Variants in PCARE observed in about 807,000 individuals in gnomAD.
PCARE encodes uncharacterized protein C2orf71.
In PCARE, 72 loss-of-function variants were observed where a neutral mutation model predicts 82.2. That is an observed-to-expected ratio of 0.88 (90% CI 0.72 to 1.07). PCARE has a LOEUF of 1.07. Among genes scored for constraint, PCARE ranks in the 50% least tolerant of loss-of-function variants. The pLI, the probability that PCARE is intolerant of heterozygous loss-of-function variation, is 0.00. For synonymous variants in PCARE, 705 were observed against 634.8 expected (o/e 1.11, Z -1.66); for missense variants, 1,768 against 1,592.4 (o/e 1.11, Z -1.88).
chr2:29,066,095 C>G (rs1463654493), intron 1 of PCARE, among the ~76,000 whole-genome samples: 1 of 152,060 alleles, frequency 6.6e-6, no homozygotes, highest in Non-Finnish European at 1.5e-5. Flanking sequence ...TTGCAGTGAG[C>G]CGAGATTGCG....
chr2:29,064,974 TG>T lies in PCARE; in HGVS notation c.3761del (p.Pro1254GlnfsTer60). On this transcript the variant is annotated frameshift_variant, in exon 2 of 2. Transcript: ENST00000331664. LOFTEE classifies it low-confidence loss of function (END_TRUNC). ...GCCCGTGGCCCAGCACACAGAACTC[TG>T]GGGGAGATGCACGCCTGGTGCCGCC... ...LQGGTRRASP[P>X]EFCVLGHGLQ... 1 of 1,595,250 alleles carries T rather than the reference TG, an allele frequency of 6.3e-7. No homozygotes were observed. The highest frequency in any genetic ancestry group is 8.5e-7 in the Non-Finnish European group (1 of 1,170,906).
Position 29,064,594 on chromosome 2 carries a change from A to C in PCARE, c.*275T>G, listed in dbSNP as rs1306157894. ...CATTCTCCACCCCCCACCCCACCCC[A>C]AATTAAGGCCAGCACTTGAAGCATT... On this transcript the variant is annotated 3_prime_UTR_variant, in exon 2 of 2. Coordinates refer to ENST00000331664, the MANE Select transcript of PCARE (RefSeq NM_001029883.3). 15 of 548,004 alleles carry C rather than the reference A, an allele frequency of 2.7e-5. No homozygotes were observed. The highest frequency in any genetic ancestry group is 9.4e-5 in the East Asian group (3 of 32,008). 33.9% of individuals were successfully genotyped at this position (548,004 alleles called of 1,614,324 possible).
At position 29,071,440 on chromosome 2, in the gene PCARE, C is replaced by G. The variant is rs1667480949; in HGVS notation, c.2822G>C (p.Trp941Ser). The change falls in exon 1 of 2, where the codon TGG becomes TCG. Residue 941 changes from tryptophan (W) to serine (S), a missense_variant. Trp to Ser is a radical substitution (Grantham distance 177, BLOSUM62 -3). Transcript: ENST00000331664. ...SQSPEVKGGT[W>S]SQAEKATSLY... The stretch of plus-strand genomic sequence containing the variant: ...GCTGGTGGCCTTCTCTGCCTGACTC[C>G]AAGTCCCACCCTTCACCTCGGGGCT... 1 of 1,613,124 alleles carries G rather than the reference C, an allele frequency of 6.2e-7. No homozygotes were observed. Among genetic ancestry groups the G allele is most frequent in the South Asian group, 1.1e-5 (1 of 91,088 alleles).
At position 29,073,353 on chromosome 2, in the gene PCARE, A is replaced by T. The variant is rs1260424225; in HGVS notation, c.909T>A (p.Thr303=). Residue 303 remains threonine, a synonymous_variant, in exon 1 of 2, where the codon ACT becomes ACA. Coordinates refer to ENST00000331664, the MANE Select transcript of PCARE (RefSeq NM_001029883.3). ...LEGSSSYLHS[T]ATHLENKLST... ...TCAGCTTATTTTCCAAGTGGGTTGCAGTGGAGTGGAGGTAGCTGCTGGAGC... is the reference window on the plus strand; with the variant it reads ...TCAGCTTATTTTCCAAGTGGGTTGCTGTGGAGTGGAGGTAGCTGCTGGAGC... 1.2e-6 allele frequency: 2 copies of T among 1,613,942 alleles called. No individual in the cohort carries two copies. Among genetic ancestry groups the T allele is most frequent in the Non-Finnish European group, 1.7e-6 (2 of 1,180,026 alleles).
Position 29,073,350 on chromosome 2 carries a change from T to G in PCARE, c.912A>C (p.Ala304=), listed in dbSNP as rs1478733429. The G allele has an allele frequency of 6.2e-7, 1 of 1,613,906 alleles. No homozygotes were observed. The highest frequency in any genetic ancestry group is 8.5e-7 in the Non-Finnish European group (1 of 1,180,050). ...EGSSSYLHST[A]THLENKLSTK... is the part of the protein sequence containing the mutation. ...TGCTCAGCTTATTTTCCAAGTGGGT[T>G]GCAGTGGAGTGGAGGTAGCTGCTGG... The change falls in exon 1 of 2, where the codon GCA becomes GCC. Residue 304 remains alanine (A), a synonymous_variant. Transcript: ENST00000331664.
chr2:29,071,727 A>G lies in PCARE; in HGVS notation c.2535T>C (p.Ser845=), dbSNP rs746150043. The G allele has an allele frequency of 2.5e-6, 4 of 1,613,954 alleles. No homozygotes were observed. In the East Asian group the frequency reaches 8.9e-5, roughly 36 times the overall value. ...ACTTGCTGCTTTCTGGGGACTCCAGAGAAGCGAATGATTTGTCCATCAGAA... is the reference window on the plus strand; with the variant it reads ...ACTTGCTGCTTTCTGGGGACTCCAGGGAAGCGAATGATTTGTCCATCAGAA... ...MEVLMDKSFA[S]LESPESSKST... The change falls in exon 1 of 2, where the codon TCT becomes TCC. Residue 845 remains serine (S), a synonymous_variant. Coordinates refer to ENST00000331664, the MANE Select transcript of PCARE (RefSeq NM_001029883.3).
chr2:29,071,878 C>T lies in PCARE; in HGVS notation c.2384G>A (p.Gly795Asp). Residue 795 changes from glycine to aspartate, a missense_variant, in exon 1 of 2, where the codon GGC (glycine) becomes GAC (aspartate). Gly to Asp is a moderately conservative substitution (Grantham distance 94). Coordinates refer to ENST00000331664, the MANE Select transcript of PCARE (RefSeq NM_001029883.3). The stretch of plus-strand genomic sequence containing the variant: ...AGGTGCTAAGGGCTTCCAGCCTATG[C>T]CCATTTTGAGAGATTCTCTGCCTGA... ...PASGRESLKM[G>D]IGWKPLAPIF... The T allele has an allele frequency of 6.2e-7, 1 of 1,614,220 alleles. No individual in the cohort carries two copies. The highest frequency in any genetic ancestry group is 8.5e-7 in the Non-Finnish European group (1 of 1,180,044).
At position 29,072,116 on chromosome 2, in the gene PCARE, T is replaced by G; in HGVS notation, c.2146A>C (p.Lys716Gln). 1 of 1,614,250 alleles carries G rather than the reference T, an allele frequency of 6.2e-7. No homozygotes were observed. ...IPSGEVSEAAKATDWNVRGCP... is the reference protein window; with the variant it reads ...IPSGEVSEAAQATDWNVRGCP... ...CCTCTGACATTCCAGTCTGTGGCCT[T>G]GGCAGCCTCACTGACCTCTCCTGAT... Residue 716 changes from lysine to glutamine, a missense_variant, in exon 1 of 2, where the codon AAG becomes CAG. Coordinates refer to ENST00000331664, the MANE Select transcript of PCARE (RefSeq NM_001029883.3).
chr2:29,067,751 G>A (rs906376476), intron 1 of PCARE, among the ~76,000 whole-genome samples: 2 of 152,126 alleles, frequency 1.3e-5, no homozygotes, highest in African/African-American at 2.4e-5. Context: ...TACCATGGTG[G>A]CCAGGCTGGT....
In PCARE at chr2:29,072,447, C is replaced by T. The variant is rs1421384044; in HGVS notation, c.1815G>A (p.Glu605=). Residue 605 remains glutamate (E), a synonymous_variant, in exon 1 of 2, where the codon GAG becomes GAA. Coordinates refer to ENST00000331664, the MANE Select transcript of PCARE (RefSeq NM_001029883.3). ...QSESCLQSHV[E]DPTFQELRRV... is the part of the protein sequence containing the mutation. ...TTCGCAGCTCCTGAAAGGTGGGGTC[C>T]TCCACGTGACTCTGGAGACACGACT... The T allele has an allele frequency of 1.2e-6, 2 of 1,614,192 alleles. No individual in the cohort carries two copies. Among genetic ancestry groups the T allele is most frequent in the Admixed American group, 3.3e-5 (2 of 60,024 alleles).
Position 29,073,916 on chromosome 2 carries a change from A to G in PCARE, c.346T>C (p.Phe116Leu). 1 of 1,614,204 alleles carries G rather than the reference A, an allele frequency of 6.2e-7. No individual in the cohort carries two copies. ...GATCCATGGGAACCCTGTGTCTTGA[A>G]CGGAATATCCTTAGCCATGTGGCTT... ...SQSHMAKDIPFKTQGSHGSQG... is the reference protein window; with the variant it reads ...SQSHMAKDIPLKTQGSHGSQG... The change falls in exon 1 of 2, where the codon TTC (phenylalanine) becomes CTC (leucine). Residue 116 changes from phenylalanine (F) to leucine (L), a missense_variant. By Grantham distance (22) the Phe-to-Leu change is conservative (BLOSUM62 0). Coordinates refer to ENST00000331664, the MANE Select transcript of PCARE (RefSeq NM_001029883.3).
chr2:29,072,789 CTCCTCT>C lies in PCARE; in HGVS notation c.1467_1472del (p.Glu493_Glu494del). On this transcript the variant is annotated inframe_deletion, in exon 1 of 2. Transcript: ENST00000331664. ...TGCTGCTCATTTTGTCTTCCTCCTC[CTCCTCT>C]GGGCTGCTGTCCTCGCTGTCACTAA... 6.2e-7 allele frequency: 1 copy of C among 1,614,194 alleles called. No homozygotes were observed. The highest frequency in any genetic ancestry group is 1.3e-5 in the African/African-American group (1 of 75,050).
In PCARE at chr2:29,069,752, C is replaced by T. The variant is rs1055854506; in HGVS notation, c.3668+842G>A. Among the ~76,000 whole-genome samples the T allele has an allele frequency of 5.3e-5, 8 of 152,060 alleles. No individual in the cohort carries two copies. In the East Asian group the frequency reaches 5.8e-4, roughly 11 times the overall value. On this transcript the variant is annotated intron_variant, in intron 1 of 1. Transcript: ENST00000331664. ...TATAAGAGTATATTATTTGTGTTAACGTATTTTTTAAAAAAATAATAAATA... is the reference window on the plus strand; with the variant it reads ...TATAAGAGTATATTATTTGTGTTAATGTATTTTTTAAAAAAATAATAAATA...
Position 29,074,162 on chromosome 2 carries a change from C to T in PCARE, c.100G>A (p.Gly34Ser). 1 of 1,610,836 alleles carries T rather than the reference C, an allele frequency of 6.2e-7. No homozygotes were observed. The highest frequency in any genetic ancestry group is 8.5e-7 in the Non-Finnish European group (1 of 1,177,794). The change falls in exon 1 of 2, where the codon GGC (glycine) becomes AGC (serine). Residue 34 changes from glycine (G) to serine (S), a missense_variant. Gly to Ser is a moderately conservative substitution (Grantham distance 56). Coordinates refer to ENST00000331664, the MANE Select transcript of PCARE (RefSeq NM_001029883.3). The stretch of plus-strand genomic sequence containing the variant: ...GGGATGGAACCTCTTTCACTTCCGC[C>T]CTGACATCCTGGCCGAATTGCTTTG... ...KPKAIRPGCQ[G>S]GSERGSIPLL...
rs552032283 is a variant in PCARE at position 29,071,282 on chromosome 2, C to T, written c.2980G>A (p.Ala994Thr). 1.2e-6 allele frequency: 2 copies of T among 1,613,404 alleles called. No homozygotes were observed. Among genetic ancestry groups the T allele is most frequent in the East Asian group, 2.2e-5 (1 of 44,870 alleles). ...ACCCAGTGTGTCCTCGTGGGAGAGG[C>T]CTTTCTGCCCACAGGGGGGCTTCTC... The part of the protein sequence containing the change: ...RERSPPVGRK[A>T]SPTRTHWVPQ... The change falls in exon 1 of 2, where the codon GCC becomes ACC. Residue 994 changes from alanine (A) to threonine (T), a missense_variant. Coordinates refer to ENST00000331664, the MANE Select transcript of PCARE (RefSeq NM_001029883.3).
intron 1 of PCARE, 51 bp from the exon 2 acceptor site, chr2:29,065,118 C>T: frequency 6.6e-7 from 1 of 1,525,796 alleles, no homozygotes; most frequent in Non-Finnish European, 8.8e-7. Context: ...TCTGCTGCTC[C>T]TTCCTGCCCC....
At chr2:29,065,090 C>T in intron 1 of PCARE, 23 bp from the exon 2 acceptor site, 1 of 1,547,356 alleles carries the variant, frequency 6.5e-7, no homozygotes. Context: ...AGGACAAGTG[C>T]AGGTCAGACA....
intron 1 of PCARE, among the ~76,000 whole-genome samples, chr2:29,068,313 T>C (rs937839006): frequency 5.3e-5 from 8 of 152,238 alleles, no homozygotes; most frequent in African/African-American, 1.9e-4. Context: ...TTTCCCAAGA[T>C]AATATCTTTA....
chr2:29,073,241 G>C lies in PCARE; in HGVS notation c.1021C>G (p.Gln341Glu), dbSNP rs1667525301. ...LASGCGDPGV[Q>E]GLPLCSEDSG... is the part of the protein sequence containing the mutation. ...TCCTCAGAGCATAAGGGGAGACCCT[G>C]CACCCCAGGGTCGCCACAGCCACTC... Residue 341 changes from glutamine (Q) to glutamate (E), a missense_variant, in exon 1 of 2, where the codon CAG (glutamine) becomes GAG (glutamate). By Grantham distance (29) the Gln-to-Glu change is conservative. Coordinates refer to ENST00000331664, the MANE Select transcript of PCARE (RefSeq NM_001029883.3). 13 of 1,614,002 alleles carry C rather than the reference G, an allele frequency of 8.1e-6. No homozygotes were observed. The highest frequency in any genetic ancestry group is 1.1e-5 in the Non-Finnish European group (13 of 1,179,924).
Sources: allele counts gnomAD v4.1 joint callset (sites outside exome capture counted in the v4.1 genomes callset), GRCh38; gene constraint gnomAD v4.1.1; transcripts MANE v1.5; gene names NCBI Gene and HGNC (gene_info 2026-07-23, HGNC 2026-07-21).